C8orf34: variants seen among roughly 807,000 people sequenced by gnomAD.
C8orf34 encodes uncharacterized protein C8orf34.
A neutral mutation model predicts 68.3 loss-of-function variants in C8orf34; 65 were observed. The ratio of observed to expected loss-of-function variants is 0.95; its 90% confidence interval spans 0.78 to 1.17. The LOEUF (loss-of-function observed/expected upper bound fraction) is 1.17. Among genes scored for constraint, C8orf34 ranks in the 50% most tolerant of loss-of-function variants. The pLI, the probability that C8orf34 is intolerant of heterozygous loss-of-function variation, is 0.00. For synonymous variants in C8orf34, 244 were observed against 241.2 expected, an observed-to-expected ratio of 1.01 and a Z score of -0.11; for missense variants, 664 against 655.4, an observed-to-expected ratio of 1.01 and a Z score of -0.14.
intron 7 of C8orf34, among the ~76,000 whole-genome samples, chr8:68,571,086 G>GCTT (rs1816747687): frequency 6.6e-6 from 1 of 152,142 alleles, no homozygotes; most frequent in Non-Finnish European, 1.5e-5. Flanking sequence ...GAGGAGAGTA[G>GCTT]GACCCTGGAG....
In C8orf34 at chr8:68,619,327, T is replaced by C. The variant is rs144611122; in HGVS notation, c.1106-21049T>C. 3.6e-3 allele frequency among the ~76,000 whole-genome samples: 552 copies of C among 152,146 alleles called. 2 individuals carry two copies. The highest frequency in any genetic ancestry group is 9.5e-3 in the Admixed American group (145 of 15,282). On this transcript the variant is annotated intron_variant, in intron 7 of 13. Coordinates refer to ENST00000518698, the MANE Select transcript of C8orf34 (RefSeq NM_052958.4). Reference sequence around the variant, plus strand: ...AGTGAGAGACAGACCTTATATCAAATAAATAAAAATAAATACATAAATAAA... The same window carrying C: ...AGTGAGAGACAGACCTTATATCAAACAAATAAAAATAAATACATAAATAAA...
chr8:68,527,776 A>G lies in C8orf34; in HGVS notation c.939-5207A>G, dbSNP rs528019325. Reference sequence around the variant, plus strand: ...AGCTTTAGGTTCAAATCTGGGAAAGAGGGGCCTCGGAACCCTAAGTGCTCT... The same window carrying G: ...AGCTTTAGGTTCAAATCTGGGAAAGGGGGGCCTCGGAACCCTAAGTGCTCT... On this transcript the variant is annotated intron_variant, in intron 6 of 13. Transcript: ENST00000518698. Among the ~76,000 whole-genome samples the G allele has an allele frequency of 1.7e-3, 258 of 152,256 alleles. 1 individual carries two copies. The highest frequency in any genetic ancestry group is 6.1e-3 in the African/African-American group (253 of 41,540).
intron 5 of C8orf34, among the ~76,000 whole-genome samples, chr8:68,518,535 C>T (rs536849754): frequency 7.2e-5 from 11 of 152,192 alleles, no homozygotes; most frequent in South Asian, 2.1e-4. Flanking sequence ...CAGAAAAAGA[C>T]GCCAACTCTC....
chr8:68,566,494 A>G lies in C8orf34; in HGVS notation c.1105+33345A>G, dbSNP rs148431086. On this transcript the variant is annotated intron_variant, in intron 7 of 13. Transcript: ENST00000518698. ...CTGGATAACTTGCTGCAGCTTCTAC[A>G]TGAGCACTTGCTGCTTCACCTTGCA... 5.7e-3 allele frequency among the ~76,000 whole-genome samples: 872 copies of G among 152,348 alleles called. 14 individuals carry two copies. The highest frequency in any genetic ancestry group is 0.02 in the African/African-American group (825 of 41,588).
chr8:68,774,511 T>C (rs1189950176), intron 10 of C8orf34, among the ~76,000 whole-genome samples: 1 of 152,008 alleles, frequency 6.6e-6, no homozygotes, highest in Non-Finnish European at 1.5e-5. Flanking sequence ...TTCACTATCT[T>C]ATCCATTGAA....
At chr8:68,391,185 C>T (rs1808465497) in intron 1 of C8orf34, among the ~76,000 whole-genome samples, 3 of 152,074 alleles carry the variant, frequency 2.0e-5, no homozygotes, top group Admixed American at 2.0e-4. Flanking sequence ...AGTAGATGCT[C>T]ACATGGATTC....
chr8:68,778,424 G>C (rs748303202), intron 11 of C8orf34, among the ~76,000 whole-genome samples: 1 of 151,980 alleles, frequency 6.6e-6, no homozygotes, highest in Admixed American at 6.6e-5. Context: ...CAGATCAAAT[G>C]CTCTTTTTTT....
chr8:68,665,246 G>T (rs2130822861), intron 8 of C8orf34, among the ~76,000 whole-genome samples: 1 of 152,248 alleles, frequency 6.6e-6, no homozygotes, highest in African/African-American at 2.4e-5. Flanking sequence ...GGAAATATTG[G>T]CAACTTTAAA....
At chr8:68,537,860 C>T (rs1415232161) in intron 7 of C8orf34, among the ~76,000 whole-genome samples, 1 of 151,928 alleles carries the variant, frequency 6.6e-6, no homozygotes, top group African/African-American at 2.4e-5. Context: ...TAAATAAATA[C>T]AAATCTGCAT....
chr8:68,438,132 A>T (rs1450254957), intron 1 of C8orf34: 12 of 152,172 alleles, frequency 7.9e-5, no homozygotes, highest in Non-Finnish European at 1.5e-5. Flanking sequence ...TCATTGATTC[A>T]TTCAATAGGT....
chr8:68,642,830 AG>A (rs1819052230), intron 8 of C8orf34, among the ~76,000 whole-genome samples: 1 of 152,176 alleles, frequency 6.6e-6, no homozygotes, highest in Admixed American at 6.5e-5. Context: ...GATGGTTGAT[AG>A]GGTGGATTTT....
chr8:68,649,235 G>A (rs1390627354), intron 8 of C8orf34, among the ~76,000 whole-genome samples: 2 of 152,170 alleles, frequency 1.3e-5, no homozygotes, highest in African/African-American at 4.8e-5. Flanking sequence ...CTACTGCCAT[G>A]TTTCAAGAGA....
chr8:68,437,410 A>G (rs1810710206), intron 1 of C8orf34, among the ~76,000 whole-genome samples: 1 of 152,152 alleles, frequency 6.6e-6, no homozygotes, highest in African/African-American at 2.4e-5. Context: ...GCTTTACCTG[A>G]GTGTCCAGAC....
chr8:68,428,138 A>C (rs1409802236), intron 1 of C8orf34, among the ~76,000 whole-genome samples: 1 of 151,820 alleles, frequency 6.6e-6, no homozygotes, highest in Non-Finnish European at 1.5e-5. Flanking sequence ...AGATACAATG[A>C]AAATATCTTC....
chr8:68,346,614 C>T (rs556030027), intron 1 of C8orf34, among the ~76,000 whole-genome samples: 69 of 152,182 alleles, frequency 4.5e-4, no homozygotes, highest in East Asian at 3.5e-3. Context: ...CTCCCTCCCC[C>T]ATAAATCCTG....
intron 1 of C8orf34, among the ~76,000 whole-genome samples, chr8:68,378,472 G>T (rs1807898490): frequency 6.6e-6 from 1 of 152,078 alleles, no homozygotes; most frequent in African/African-American, 2.4e-5. Context: ...AATTTTTGTA[G>T]ATATGGGGTG....
chr8:68,804,720 A>G (rs1001019189), intron 12 of C8orf34, among the ~76,000 whole-genome samples: 1 of 152,306 alleles, frequency 6.6e-6, no homozygotes, highest in South Asian at 2.1e-4. Flanking sequence ...TCGATGCTGC[A>G]GTGAGCTGTG....
At chr8:68,779,033 C>T (rs1823598641) in intron 11 of C8orf34, among the ~76,000 whole-genome samples, 1 of 151,792 alleles carries the variant, frequency 6.6e-6, no homozygotes, top group African/African-American at 2.4e-5. Flanking sequence ...AAAAATTAGG[C>T]AGGCATAGTG....
At chr8:68,740,263 T>G (rs534819527) in intron 10 of C8orf34, among the ~76,000 whole-genome samples, 1 of 152,128 alleles carries the variant, frequency 6.6e-6, no homozygotes, top group African/African-American at 2.4e-5. Context: ...TGGGATCTAA[T>G]TAAAGTAAAG....
Sources: allele counts gnomAD v4.1 joint callset (sites outside exome capture counted in the v4.1 genomes callset), GRCh38; gene constraint gnomAD v4.1.1; transcripts MANE v1.5; gene names NCBI Gene and HGNC (gene_info 2026-07-23, HGNC 2026-07-21).